Variants in CYP2D6 observed in about 807,000 individuals in gnomAD.
CYP2D6 encodes the protein cytochrome P450 family 2 subfamily D member 6 (gene/pseudogene), also known as cytochrome P450 2D6.
Under a neutral mutation model 43.5 loss-of-function variants are expected in CYP2D6, and 51 were observed. That is an observed-to-expected ratio of 1.17 (90% confidence interval 0.94 to 1.48). The LOEUF is 1.48. Among genes scored for constraint, CYP2D6 ranks in the 40% most tolerant of loss-of-function variants. The pLI, the probability that CYP2D6 is intolerant of heterozygous loss-of-function variation, is 0.00. For missense variants in CYP2D6, 698 were observed against 688.0 expected (o/e 1.01, Z -0.16); for synonymous variants, 346 against 297.1 (o/e 1.16, Z -1.69).
intron 2 of CYP2D6, 199 bp from the exon 3 acceptor site, chr22:42,129,384 G>C: frequency 1.2e-6 from 1 of 858,396 alleles, no homozygotes; most frequent in Non-Finnish European, 1.9e-6. Flanking sequence ...TGCCCACCCT[G>C]ACCGCCTTTG....
At chr22:42,127,661 G>A in intron 6 of CYP2D6, 27 bp from the exon 7 acceptor site, 1 of 1,607,048 alleles carries the variant, frequency 6.2e-7, no homozygotes, top group Non-Finnish European at 8.5e-7. Context: ...CCCCACAATG[G>A]GTCAGCACCC....
rs898345711 is a variant in CYP2D6 at position 42,126,757 on chromosome 22, G to C, written c.1316-5C>G. On this transcript the variant is annotated splice_polypyrimidine_tract_variant and splice_region_variant and intron_variant, in intron 8 of 8. Transcript: ENST00000645361. ...CCCCGAGGCATGCACGGCGGCCTGT[G>C]GGGAGGGGAGGGGCGTCAGTGAGCC... The C allele has an allele frequency of 4.3e-5, 66 of 1,547,114 alleles. 2 individuals are homozygous for C. In the Admixed American group the frequency reaches 1.3e-3, roughly 30 times the overall value.
Position 42,129,594 on chromosome 22 carries a change from G to C in CYP2D6, c.352+144C>G, listed in dbSNP as rs932289234. On this transcript the variant is annotated intron_variant, in intron 2 of 8. Transcript: ENST00000645361. ...TCGTCCCCATGCTCACACCTCCCTA[G>C]TGCAGGTGGTTTCTTGGCCCGCTGT... 9 of 1,110,720 alleles carry C rather than the reference G, an allele frequency of 8.1e-6. No homozygotes were observed. The Admixed American group carries it at 9.9e-5, about 12-fold the overall frequency. 68.8% of individuals were successfully genotyped at this position (1,110,720 alleles called of 1,614,324 possible). A position where few individuals can be genotyped will look rare whatever the true frequency, so the allele number is the denominator to read the frequency against.
rs752858790 is a variant in CYP2D6 at position 42,127,446 on chromosome 22, C to T, written c.1173+1G>A. On this transcript the variant is annotated splice_donor_variant, in intron 7 of 8. Transcript: ENST00000645361. LOFTEE classifies it high-confidence loss of function. Reference sequence around the variant, plus strand: ...TGGGGTGAGGAGGGCGCCAGGCCTACCTTAGGGATGCGGAAGCCCTGTACT... The same window carrying T: ...TGGGGTGAGGAGGGCGCCAGGCCTATCTTAGGGATGCGGAAGCCCTGTACT... 3 of 1,606,128 alleles carry T rather than the reference C, an allele frequency of 1.9e-6. No homozygotes were observed. The highest frequency in any genetic ancestry group is 2.6e-6 in the Non-Finnish European group (3 of 1,173,798).
At position 42,126,598 on chromosome 22, in the gene CYP2D6, A is replaced by G. The variant is rs61731577; in HGVS notation, c.1470T>C (p.Tyr490=). The G allele has an allele frequency of 2.5e-4, 396 of 1,602,550 alleles. 17 individuals are homozygous for G. The highest frequency in any genetic ancestry group is 8.2e-4 in the Admixed American group (48 of 58,572). ...TCTAGCGGGGCACAGCACAAAGCTC[A>G]TAGGGGGATGGGCTCACCAGGAAAG... ...VFAFLVSPSP[Y]ELCAVPR is the part of the protein sequence containing the mutation. Residue 490 remains tyrosine (Y), a synonymous_variant, in exon 9 of 9, where the codon TAT becomes TAC. Coordinates refer to ENST00000645361, the MANE Select transcript of CYP2D6 (RefSeq NM_000106.6).
In CYP2D6 at chr22:42,129,674, C is replaced by G. The variant is rs908169268; in HGVS notation, c.352+64G>C. ...GACCCCGCGCCCTCTCTGCCCAGCTCGGACTACGGTCATCACCCACCCGGG... is the reference window on the plus strand; with the variant it reads ...GACCCCGCGCCCTCTCTGCCCAGCTGGGACTACGGTCATCACCCACCCGGG... On this transcript the variant is annotated intron_variant, in intron 2 of 8. Coordinates refer to ENST00000645361, the MANE Select transcript of CYP2D6 (RefSeq NM_000106.6). 1.9e-6 allele frequency: 3 copies of G among 1,594,138 alleles called. No individual in the cohort carries two copies. The African/African-American group carries it at 4.1e-5, about 22-fold the overall frequency.
At chr22:42,127,656 C>A (rs2146931949) in intron 6 of CYP2D6, 22 bp from the exon 7 acceptor site, 1 of 1,608,836 alleles carries the variant, frequency 6.2e-7, no homozygotes, top group Non-Finnish European at 8.5e-7. Flanking sequence ...TGCGTCCCCA[C>A]AATGGGTCAG....
intron 5 of CYP2D6, 73 bp downstream of exon 5, chr22:42,128,101 C>T: frequency 6.3e-7 from 1 of 1,580,016 alleles, no homozygotes; most frequent in Non-Finnish European, 8.6e-7. Context: ...CAACCTTTTG[C>T]CCAGCCTCCC....
At chr22:42,128,008 G>T (rs761583828) in intron 5 of CYP2D6, 25 bp from the exon 6 acceptor site, 1 of 1,611,128 alleles carries the variant, frequency 6.2e-7, no homozygotes, top group Non-Finnish European at 8.5e-7. Flanking sequence ...GAGCATACTC[G>T]GGACAGAACG....
At position 42,129,628 on chromosome 22, in the gene CYP2D6, G is replaced by A. The variant is rs1176192148; in HGVS notation, c.352+110C>T. ...GTTTCTTGGCCCGCTGTCCCCACTC[G>A]CTGGCCTGTTTCATGTCCACGACCC... is the stretch of plus-strand genomic sequence containing the variant. On this transcript the variant is annotated intron_variant, in intron 2 of 8. Transcript: ENST00000645361. 2.9e-5 allele frequency: 42 copies of A among 1,436,558 alleles called. 2 individuals carry two copies. The highest frequency in any genetic ancestry group is 1.2e-4 in the Admixed American group (7 of 57,272). The allele number at this position is 1,436,558 out of a possible 1,614,324, so 89.0% of individuals were successfully genotyped here.
rs749811616 is a variant in CYP2D6 at position 42,129,091 on chromosome 22, C to T, written c.447G>A (p.Leu149=). Residue 149 remains leucine (L), a synonymous_variant, in exon 3 of 9, where the codon CTG becomes CTA. Transcript: ENST00000645361. Reference sequence around the variant, plus strand: ...CGGCCTCCTCGGTCACCCACTGCTCCAGCGACTTCTTGCCCAGGCCCAAGT... The same window carrying T: ...CGGCCTCCTCGGTCACCCACTGCTCTAGCGACTTCTTGCCCAGGCCCAAGT... ...LRNLGLGKKS[L]EQWVTEEAAC... The T allele has an allele frequency of 1.2e-6, 2 of 1,610,162 alleles. No homozygotes were observed. Among genetic ancestry groups the T allele is most frequent in the African/African-American group, 2.7e-5 (2 of 74,448 alleles).
At chr22:42,130,379 C>T (rs1602587599) in intron 1 of CYP2D6, 1 of 609,634 alleles carries the variant, frequency 1.6e-6, no homozygotes. Flanking sequence ...GGCTTGCATG[C>T]CCACTGCCAA....
intron 2 of CYP2D6, 71 bp downstream of exon 2, chr22:42,129,667 C>A: frequency 6.3e-7 from 1 of 1,589,334 alleles, no homozygotes; most frequent in Admixed American, 1.7e-5. Context: ...GCCCTCTCTG[C>A]CCAGCTCGGA....
intron 2 of CYP2D6, 87 bp from the exon 3 acceptor site, chr22:42,129,272 T>C (rs1931604467): frequency 6.7e-7 from 1 of 1,482,424 alleles, no homozygotes; most frequent in Non-Finnish European, 9.2e-7. Flanking sequence ...CTCCCCCTGG[T>C]CTCCCGCAGT....
intron 6 of CYP2D6, 78 bp from the exon 7 acceptor site, chr22:42,127,712 G>A: frequency 6.4e-7 from 1 of 1,573,314 alleles, no homozygotes; most frequent in Non-Finnish European, 8.7e-7. Context: ...CTCCTATGTT[G>A]GAGGAGGTCA....
intron 2 of CYP2D6, 72 bp from the exon 3 acceptor site, chr22:42,129,257 C>A: frequency 1.3e-6 from 2 of 1,546,320 alleles, no homozygotes; most frequent in East Asian, 2.3e-5. Flanking sequence ...CACTCCAACC[C>A]TATGCTCCCC....
chr22:42,127,740 T>C (rs1931168783), intron 6 of CYP2D6, 102 bp downstream of exon 6: 5 of 1,571,098 alleles, frequency 3.2e-6, no homozygotes, highest in East Asian at 2.2e-5. Context: ...AGGATCCTGG[T>C]CAAGCCTGTG....
In CYP2D6 at chr22:42,128,204, C is replaced by T; in HGVS notation, c.813G>A (p.Leu271=). 2 of 1,609,256 alleles carry T rather than the reference C, an allele frequency of 1.2e-6. No individual in the cohort carries two copies. Among genetic ancestry groups the T allele is most frequent in the Non-Finnish European group, 1.7e-6 (2 of 1,177,482 alleles). ...CCATCTCTGCCAGGAAGGCCTCAGT[C>T]AGGTCTCGGGGGGGCTGGGCTGGGT... The part of the protein sequence containing the change: ...TWDPAQPPRD[L]TEAFLAEMEK... Residue 271 remains leucine (L), a synonymous_variant, in exon 5 of 9, where the codon CTG becomes CTA. Transcript: ENST00000645361.
intron 2 of CYP2D6, chr22:42,129,488 C>G (rs761645428): frequency 1.4e-6 from 1 of 722,040 alleles, no homozygotes; most frequent in Non-Finnish European, 2.4e-6. Flanking sequence ...CGGATTCCAG[C>G]TGGGAAATGC....
Sources: allele counts gnomAD v4.1 joint callset, GRCh38; gene constraint gnomAD v4.1.1; transcripts MANE v1.5; gene names NCBI Gene and HGNC (gene_info 2026-07-23, HGNC 2026-07-21).